ADAM33: variants seen among roughly 807,000 people sequenced by gnomAD.
ADAM33 encodes ADAM metallopeptidase domain 33, also known as disintegrin and metalloproteinase domain-containing protein 33.
Under a neutral mutation model 106.2 loss-of-function variants are expected in ADAM33, and 103 were observed. The observed-to-expected ratio is 0.97, with a 90% CI of 0.83 to 1.14. The LOEUF is 1.14. Ranked by LOEUF, ADAM33 falls within the 50% of genes most tolerant of loss-of-function variation. ADAM33 has a pLI of 0.00. For missense variants in ADAM33, 1,120 were observed against 1,096.6 expected (o/e 1.02, Z -0.30); for synonymous variants, 483 against 453.0 (o/e 1.07, Z -0.84).
chr20:3,668,933 T>C lies in ADAM33; in HGVS notation c.*30A>G. The C allele has an allele frequency of 6.2e-7, 1 of 1,613,194 alleles. No individual in the cohort carries two copies. Among genetic ancestry groups the C allele is most frequent in the Non-Finnish European group, 8.5e-7 (1 of 1,179,278 alleles). On this transcript the variant is annotated 3_prime_UTR_variant, in exon 22 of 22. Coordinates refer to ENST00000356518, the MANE Select transcript of ADAM33 (RefSeq NM_025220.5). ...GAGTGGCTGTCAGTGGCCACCTGTCTTTAAATCTGTTCATTTTAGGAGCTA... is the reference window on the plus strand; with the variant it reads ...GAGTGGCTGTCAGTGGCCACCTGTCCTTAAATCTGTTCATTTTAGGAGCTA...
chr20:3,669,963 G>T, intron 19 of ADAM33: 1 of 497,042 alleles, frequency 2.0e-6, no homozygotes, highest in Non-Finnish European at 3.7e-6. Flanking sequence ...CCGCCCCTTC[G>T]GCAGCTATGT....
In ADAM33 at chr20:3,674,554, G is replaced by C; in HGVS notation, c.550C>G (p.Pro184Ala). Reference protein sequence around the residue: ...TWKGTCGHRDPGNKAGMTSLP... With the variant: ...TWKGTCGHRDAGNKAGMTSLP... ...CTGGTCATGCCCGCTTTGTTCCCAG[G>C]ATCCCTGTGGCCACAGGTTCCTTTC... Residue 184 changes from proline to alanine, a missense_variant, in exon 6 of 22, where the codon CCT becomes GCT. Pro to Ala is a conservative substitution (Grantham distance 27). Coordinates refer to ENST00000356518, the MANE Select transcript of ADAM33 (RefSeq NM_025220.5). 1 of 1,613,650 alleles carries C rather than the reference G, an allele frequency of 6.2e-7. No individual in the cohort carries two copies. The highest frequency in any genetic ancestry group is 8.5e-7 in the Non-Finnish European group (1 of 1,179,920).
chr20:3,673,646 G>A lies in ADAM33; in HGVS notation c.918C>T (p.Phe306=). ...GCGCCAGGCCCACTGTGGCGCCCTG[G>A]AAGGCGCGGCCCCTGGGGGCGGAGC... ...DSAQLLTGRA[F]QGATVGLAPV... The change falls in exon 10 of 22, where the codon TTC becomes TTT. Residue 306 remains phenylalanine, a synonymous_variant. Coordinates refer to ENST00000356518, the MANE Select transcript of ADAM33 (RefSeq NM_025220.5). The A allele has an allele frequency of 7.4e-7, 1 of 1,349,312 alleles. No individual in the cohort carries two copies. The highest frequency in any genetic ancestry group is 9.5e-7 in the Non-Finnish European group (1 of 1,057,846). 83.6% of individuals were successfully genotyped at this position (1,349,312 alleles called of 1,614,324 possible). A position where few individuals can be genotyped will look rare whatever the true frequency, so the allele number is the denominator to read the frequency against.
intron 2 of ADAM33, among the ~76,000 whole-genome samples, chr20:3,678,741 C>T (rs1005117580): frequency 6.6e-6 from 1 of 152,240 alleles, no homozygotes; most frequent in African/African-American, 2.4e-5. Flanking sequence ...GGCTCCCAGC[C>T]TAAAGAGCTG....
chr20:3,672,018 C>T lies in ADAM33; in HGVS notation c.1598-33G>A, dbSNP rs199708445. 3.2e-6 allele frequency: 5 copies of T among 1,552,858 alleles called. No individual in the cohort carries two copies. In the East Asian group the frequency reaches 7.3e-5, roughly 23 times the overall value. On this transcript the variant is annotated intron_variant, in intron 14 of 21. Transcript: ENST00000356518. ...AGCATGGGCCAGGCTGGGGGCAGCT[C>T]GGAGAGGGGCTGCGCTCAGCGGGCC...
chr20:3,672,397 G>A, intron 13 of ADAM33, 68 bp from the exon 14 acceptor site: 2 of 1,582,406 alleles, frequency 1.3e-6, no homozygotes, highest in Non-Finnish European at 1.7e-6. Context: ...CATGCCGAGA[G>A]CGCGGCTCGG....
Position 3,671,111 on chromosome 20 carries a change from A to G in ADAM33, c.2135T>C (p.Leu712Pro). The change falls in exon 19 of 22, where the codon CTG (leucine) becomes CCG (proline). Residue 712 changes from leucine to proline, a missense_variant. Leu to Pro is a moderately conservative substitution (Grantham distance 98). Transcript: ENST00000356518. ...FLLAMLLSVL[L>P]PLLPGAGLAW... ...CAGGCCGGCCCCTGGGAGCAGAGGC[A>G]GCAGGACGCTGAGGAGCATGGCCAG... is the stretch of plus-strand genomic sequence containing the variant. 1 of 1,604,784 alleles carries G rather than the reference A, an allele frequency of 6.2e-7. No homozygotes were observed. The highest frequency in any genetic ancestry group is 8.5e-7 in the Non-Finnish European group (1 of 1,175,786).
chr20:3,672,281 G>A lies in ADAM33; in HGVS notation c.1450C>T (p.Leu484Phe), dbSNP rs1416340574. 3 of 1,613,244 alleles carry A rather than the reference G, an allele frequency of 1.9e-6. No individual in the cohort carries two copies. The highest frequency in any genetic ancestry group is 2.5e-6 in the Non-Finnish European group (3 of 1,180,012). ...LCRQAMGDCD[L>F]PEFCTGTSSH... ...GAGGTGCCCGTGCAAAACTCAGGGA[G>A]GTCACAGTCACCCATGGCCTGGCGG... The change falls in exon 14 of 22, where the codon CTC becomes TTC. Residue 484 changes from leucine to phenylalanine, a missense_variant. Leu to Phe is a conservative substitution (Grantham distance 22). Transcript: ENST00000356518.
In ADAM33 at chr20:3,671,113, CAGGA is replaced by C; in HGVS notation, c.2129_2132del (p.Val710GlyfsTer106). Reference sequence around the variant, plus strand: ...GGCCGGCCCCTGGGAGCAGAGGCAGCAGGACGCTGAGGAGCATGGCCAGCAGGAA... The same window carrying C: ...GGCCGGCCCCTGGGAGCAGAGGCAGCCGCTGAGGAGCATGGCCAGCAGGAA... On this transcript the variant is annotated frameshift_variant, in exon 19 of 22. Coordinates refer to ENST00000356518, the MANE Select transcript of ADAM33 (RefSeq NM_025220.5). LOFTEE classifies it high-confidence loss of function. The C allele has an allele frequency of 6.2e-7, 1 of 1,605,444 alleles. No homozygotes were observed. The highest frequency in any genetic ancestry group is 8.5e-7 in the Non-Finnish European group (1 of 1,176,134).
chr20:3,674,920 T>C, intron 4 of ADAM33, 71 bp from the exon 5 acceptor site: 2 of 1,608,242 alleles, frequency 1.2e-6, no homozygotes, highest in Non-Finnish European at 1.7e-6. Context: ...GAGGGTGTGG[T>C]AGGGGCTGGC....
intron 2 of ADAM33, 23 bp downstream of exon 2, chr20:3,679,469 G>A (rs746725961): frequency 6.3e-7 from 1 of 1,593,224 alleles, no homozygotes; most frequent in South Asian, 1.1e-5. Context: ...CCCCTGTGGA[G>A]GGCGGGGAGA....
chr20:3,680,061 G>A (rs191363848), intron 1 of ADAM33, among the ~76,000 whole-genome samples: 1 of 152,154 alleles, frequency 6.6e-6, no homozygotes, highest in Non-Finnish European at 1.5e-5. Flanking sequence ...AGCTCCCTCG[G>A]GGACTCTGTC....
chr20:3,681,132 G>T (rs913272182), intron 1 of ADAM33, among the ~76,000 whole-genome samples: 1 of 152,276 alleles, frequency 6.6e-6, no homozygotes, highest in Admixed American at 6.5e-5. Context: ...GCCCAGCCCC[G>T]CATGCCCCCT....
Position 3,674,125 on chromosome 20 carries a change from C to A in ADAM33, c.677G>T (p.Arg226Leu). The change falls in exon 8 of 22, where the codon CGG becomes CTG. Residue 226 changes from arginine to leucine, a missense_variant. Physicochemically the swap from Arg to Leu is moderately radical, Grantham distance 102. Coordinates refer to ENST00000356518, the MANE Select transcript of ADAM33 (RefSeq NM_025220.5). ...IVADHTLFLTRHRNLNHTKQR... is the reference protein window; with the variant it reads ...IVADHTLFLTLHRNLNHTKQR... ...TTTGGTGTGGTTCAAGTTTCGGTGC[C>A]GAGTCAAGAACTGGGAAGGCAGAAA... is the stretch of plus-strand genomic sequence containing the variant. 1.2e-6 allele frequency: 2 copies of A among 1,614,176 alleles called. No individual in the cohort carries two copies. The highest frequency in any genetic ancestry group is 2.2e-5 in the South Asian group (2 of 91,086).
chr20:3,668,849 C>T lies in ADAM33; in HGVS notation c.*114G>A. 4 of 1,289,196 alleles carry T rather than the reference C, an allele frequency of 3.1e-6. No homozygotes were observed. Among genetic ancestry groups the T allele is most frequent in the Non-Finnish European group, 4.5e-6 (4 of 892,004 alleles). The allele number at this position is 1,289,196 out of a possible 1,614,324, so 79.9% of individuals were successfully genotyped here. On this transcript the variant is annotated 3_prime_UTR_variant, in exon 22 of 22. Coordinates refer to ENST00000356518, the MANE Select transcript of ADAM33 (RefSeq NM_025220.5). ...ACTCGGGGAAGAAACTTCCAAGCTGCCTGCAGGTGCTGGAGGTCCGGTGAT... is the reference window on the plus strand; with the variant it reads ...ACTCGGGGAAGAAACTTCCAAGCTGTCTGCAGGTGCTGGAGGTCCGGTGAT...
Position 3,673,920 on chromosome 20 carries a change from G to A in ADAM33, c.739-9C>T, listed in dbSNP as rs981665585. 6.4e-6 allele frequency: 10 copies of A among 1,566,862 alleles called. No homozygotes were observed. The highest frequency in any genetic ancestry group is 2.2e-5 in the East Asian group (1 of 44,474). ...TCCAGAGTCCTGAGAAGCTGAGGGC[G>A]AGGCGGGGCTGAAGCCGGGACAGGG... On this transcript the variant is annotated splice_polypyrimidine_tract_variant and intron_variant, in intron 8 of 21. Coordinates refer to ENST00000356518, the MANE Select transcript of ADAM33 (RefSeq NM_025220.5).
At chr20:3,669,152 G>A in intron 21 of ADAM33, 147 bp downstream of exon 21, 1 of 1,206,174 alleles carries the variant, frequency 8.3e-7, no homozygotes, top group East Asian at 2.4e-5. Context: ...CAGCATCCTG[G>A]TCTGCATGAT....
At chr20:3,676,577 T>G (rs1338158212) in intron 3 of ADAM33, among the ~76,000 whole-genome samples, 1 of 152,010 alleles carries the variant, frequency 6.6e-6, no homozygotes, top group Non-Finnish European at 1.5e-5. Flanking sequence ...TAGCTGGGAT[T>G]ACAGGCGCCG....
rs1203116461 is a variant in ADAM33, at chr20:3,672,244, G to A, written c.1487C>T (p.Pro496Leu). Residue 496 changes from proline (P) to leucine (L), a missense_variant, in exon 14 of 22, where the codon CCC (proline) becomes CTC (leucine). By Grantham distance (98) the Pro-to-Leu change is moderately conservative (BLOSUM62 -3). Transcript: ENST00000356518. ...GCCGTCCAGTAGGTAAACGTCTGGG[G>A]GACAGTGGGAGGAGGTGCCCGTGCA... ...EFCTGTSSHC[P>L]PDVYLLDGSP... is the part of the protein sequence containing the mutation. The A allele has an allele frequency of 2.0e-5, 32 of 1,613,310 alleles. No homozygotes were observed. The highest frequency in any genetic ancestry group is 1.6e-4 in the Middle Eastern group (1 of 6,084).
Sources: allele counts gnomAD v4.1 joint callset (sites outside exome capture counted in the v4.1 genomes callset), GRCh38; gene constraint gnomAD v4.1.1; transcripts MANE v1.5; gene names NCBI Gene and HGNC (gene_info 2026-07-23, HGNC 2026-07-21).